Variants in OTUD7B observed in about 807,000 individuals in gnomAD.
OTUD7B encodes the protein OTU domain-containing protein 7B.
In OTUD7B, 34 loss-of-function variants were observed where a neutral mutation model predicts 82.2. The observed-to-expected ratio is 0.41, with a 90% confidence interval of 0.31 to 0.55. The LOEUF is 0.55. OTUD7B is among the 20% of genes least tolerant of loss of function. The pLI is 0.20. For missense variants in OTUD7B, 944 were observed against 1,062.1 expected, an observed-to-expected ratio of 0.89 and a Z score of 1.55; for synonymous variants, 398 against 402.7, an observed-to-expected ratio of 0.99 and a Z score of 0.14.
chr1:150,055,199 G>A, the OTUD7B span, among the ~76,000 whole-genome samples: 3 of 151,672 alleles, frequency 2.0e-5, no homozygotes, highest in Non-Finnish European at 2.9e-5. Context: ...CACCACGCCC[G>A]GCTAATTTTT....
chr1:149,972,421 T>TA, intron 2 of OTUD7B, among the ~76,000 whole-genome samples: 2 of 152,254 alleles, frequency 1.3e-5, no homozygotes, highest in East Asian at 3.9e-4. Context: ...TTCCACTGAC[T>TA]ATTCCCTCTA....
the OTUD7B span, among the ~76,000 whole-genome samples, chr1:150,032,713 GGAA>G: frequency 8.5e-4 from 108 of 127,514 alleles, 1 homozygote; most frequent in African/African-American, 1.7e-3. Flanking sequence ...AGGAGGAGGA[GGAA>G]GAAGAAGAAG....
the OTUD7B span, among the ~76,000 whole-genome samples, chr1:150,057,078 T>C: frequency 6.6e-6 from 1 of 152,198 alleles, no homozygotes; most frequent in African/African-American, 2.4e-5. Flanking sequence ...TATATCAACA[T>C]TATGTATGCC....
At chr1:149,975,772 C>T (rs781862041) in intron 2 of OTUD7B, among the ~76,000 whole-genome samples, 1 of 151,848 alleles carries the variant, frequency 6.6e-6, no homozygotes, top group African/African-American at 2.4e-5. Flanking sequence ...CTCATGCCTG[C>T]CAGCACTTTG....
At chr1:150,055,143 T>C in the OTUD7B span, 3 of 151,674 alleles carry the variant, frequency 2.0e-5, no homozygotes, top group Non-Finnish European at 4.4e-5. Context: ...GTTCACGCCA[T>C]TCTCCTGCCT....
rs1413393808 is a variant in OTUD7B at position 149,942,619 on chromosome 1, C to A, written c.*1238G>T. The A allele has an allele frequency of 6.6e-6, 1 of 152,522 alleles. No individual in the cohort carries two copies. Among genetic ancestry groups the A allele is most frequent in the Non-Finnish European group, 1.5e-5 (1 of 68,020 alleles). 9.4% of individuals were successfully genotyped at this position (152,522 alleles called of 1,614,324 possible). On this transcript the variant is annotated 3_prime_UTR_variant, in exon 12 of 12. Transcript: ENST00000581312. Reference sequence around the variant, plus strand: ...TATAAATTGCCCCTATATGTTTCAACATCAGTCCTAATATCAAAAATATCT... The same window carrying A: ...TATAAATTGCCCCTATATGTTTCAAAATCAGTCCTAATATCAAAAATATCT...
At chr1:149,951,509 C>T (rs1392423821) in intron 7 of OTUD7B, among the ~76,000 whole-genome samples, 3 of 152,198 alleles carry the variant, frequency 2.0e-5, no homozygotes, top group Non-Finnish European at 4.4e-5. Flanking sequence ...TATCCCACTC[C>T]TTTCCACTTC....
the OTUD7B span, among the ~76,000 whole-genome samples, chr1:150,019,306 C>G: frequency 6.6e-6 from 1 of 152,188 alleles, no homozygotes; most frequent in African/African-American, 2.4e-5. Context: ...CTGCCTGAAA[C>G]TAAGATCTGG....
chr1:150,051,122 G>A, the OTUD7B span, among the ~76,000 whole-genome samples: 7 of 150,978 alleles, frequency 4.6e-5, no homozygotes, highest in South Asian at 2.1e-4. Flanking sequence ...CCAGCTACTC[G>A]GGTGGCTGAG....
the OTUD7B span, among the ~76,000 whole-genome samples, chr1:150,017,504 T>C: frequency 3.3e-5 from 5 of 152,150 alleles, no homozygotes; most frequent in African/African-American, 4.8e-5. Context: ...CCTTACCTAA[T>C]TGGAATGCAG....
At chr1:150,062,528 T>C in the OTUD7B span, among the ~76,000 whole-genome samples, 1 of 152,194 alleles carries the variant, frequency 6.6e-6, no homozygotes, top group East Asian at 1.9e-4. Context: ...TCTACCTGTG[T>C]TAGCTAGGAA....
At chr1:150,035,743 AG>A in the OTUD7B span, among the ~76,000 whole-genome samples, 1 of 152,154 alleles carries the variant, frequency 6.6e-6, no homozygotes, top group Non-Finnish European at 1.5e-5. Context: ...CTCATGGGAC[AG>A]ATAAGGACAC....
the OTUD7B span, among the ~76,000 whole-genome samples, chr1:150,024,277 G>A: frequency 6.6e-6 from 1 of 152,108 alleles, no homozygotes; most frequent in Admixed American, 6.6e-5. Context: ...AATGAGACCA[G>A]GGCATATAAT....
the OTUD7B span, among the ~76,000 whole-genome samples, chr1:150,061,976 C>G: frequency 6.6e-6 from 1 of 152,164 alleles, no homozygotes. Context: ...ATGCAGAGAT[C>G]TACCTGTCAT....
At chr1:149,950,984 T>TTTTTG (rs1648191558) in intron 7 of OTUD7B, among the ~76,000 whole-genome samples, 1 of 238 alleles carries the variant, frequency 4.2e-3, no homozygotes, top group Admixed American at 0.042. Flanking sequence ...TGTATTTTTT[T>TTTTTG]TTTTTTTTTT....
chr1:149,991,499 G>A (rs1651567422), intron 1 of OTUD7B, among the ~76,000 whole-genome samples: 1 of 152,160 alleles, frequency 6.6e-6, no homozygotes, highest in Non-Finnish European at 1.5e-5. Flanking sequence ...TGGGTCTTAT[G>A]TAGAACAAAC....
chr1:150,003,156 A>AG (rs1206480637), intron 1 of OTUD7B, among the ~76,000 whole-genome samples: 1 of 151,076 alleles, frequency 6.6e-6, no homozygotes, highest in Admixed American at 6.6e-5. Flanking sequence ...AGGCTGAGGC[A>AG]GGAGAATGGC....
At chr1:150,057,152 A>G in the OTUD7B span, among the ~76,000 whole-genome samples, 1 of 152,192 alleles carries the variant, frequency 6.6e-6, no homozygotes, top group Admixed American at 6.5e-5. Context: ...ATCTCAATCT[A>G]ATAATGAGAA....
At chr1:150,051,124 G>A in the OTUD7B span, among the ~76,000 whole-genome samples, 13 of 151,380 alleles carry the variant, frequency 8.6e-5, no homozygotes, top group African/African-American at 3.2e-4. Context: ...AGCTACTCGG[G>A]TGGCTGAGGC....
Sources: allele counts gnomAD v4.1 joint callset (sites outside exome capture counted in the v4.1 genomes callset), GRCh38; gene constraint gnomAD v4.1.1; transcripts MANE v1.5; gene names NCBI Gene and HGNC (gene_info 2026-07-23, HGNC 2026-07-21).